Variants in RALGAPA2 observed in about 807,000 individuals in gnomAD.
RALGAPA2 encodes Ral GTPase activating protein catalytic subunit alpha 2.
RALGAPA2 carries 139 observed loss-of-function variants against 230.4 expected under a neutral mutation model. The ratio of observed to expected loss-of-function variants is 0.60; its 90% CI spans 0.53 to 0.69. The LOEUF (loss-of-function observed/expected upper bound fraction) is 0.69, where lower values mean the gene tolerates loss of function less well. RALGAPA2 is among the 30% of genes least tolerant of loss of function. The pLI is 0.00. For missense variants in RALGAPA2, 2,163 were observed against 2,276.0 expected (o/e 0.95, Z 1.01); for synonymous variants, 847 against 837.8 (o/e 1.01, Z -0.19).
chr20:20,531,012 T>G (rs1010677792), intron 27 of RALGAPA2, among the ~76,000 whole-genome samples: 7 of 152,132 alleles, frequency 4.6e-5, no homozygotes, highest in Non-Finnish European at 8.8e-5. Flanking sequence ...ACAGCACCTG[T>G]GAAAGTTCAA....
intron 33 of RALGAPA2, among the ~76,000 whole-genome samples, chr20:20,505,804 G>C (rs575488410): frequency 6.6e-6 from 1 of 152,280 alleles, no homozygotes; most frequent in South Asian, 2.1e-4. Context: ...CAGCAAGCTG[G>C]GGATGGGAAC....
At chr20:20,682,958 C>T (rs1351426102) in intron 1 of RALGAPA2, among the ~76,000 whole-genome samples, 1 of 152,198 alleles carries the variant, frequency 6.6e-6, no homozygotes, top group Non-Finnish European at 1.5e-5. Flanking sequence ...TCACAGACTG[C>T]TGCCAGCTGA....
At chr20:20,646,329 T>C (rs1172209583) in intron 4 of RALGAPA2, among the ~76,000 whole-genome samples, 2 of 152,226 alleles carry the variant, frequency 1.3e-5, no homozygotes, top group African/African-American at 2.4e-5. Flanking sequence ...CAGCCCTCTG[T>C]AGGTATTTTT....
chr20:20,571,838 A>C lies in RALGAPA2; in HGVS notation c.3000+10T>G. ...AATCGCAATAAAGGAATAAACACAT[A>C]TCCACTTGCCTTAAACAGCCATGAT... On this transcript the variant is annotated intron_variant, in intron 22 of 39. Transcript: ENST00000202677. 1 of 1,591,758 alleles carries C rather than the reference A, an allele frequency of 6.3e-7. No individual in the cohort carries two copies. The highest frequency in any genetic ancestry group is 8.6e-7 in the Non-Finnish European group (1 of 1,162,200).
intron 1 of RALGAPA2, among the ~76,000 whole-genome samples, chr20:20,701,560 A>C (rs769770991): frequency 2.6e-5 from 4 of 152,010 alleles, no homozygotes; most frequent in Non-Finnish European, 4.4e-5. Context: ...AACATGGTGA[A>C]ACCCCATCTC....
chr20:20,458,760 ATATATATATAGACC>A (rs1569417966), intron 37 of RALGAPA2, among the ~76,000 whole-genome samples: 56 of 8,158 alleles, frequency 6.9e-3, no homozygotes, highest in African/African-American at 0.015. Flanking sequence ...ATACACACCT[ATATATATATAGACC>A]TATATATATA....
chr20:20,621,702 T>C (rs2066330270), intron 10 of RALGAPA2, among the ~76,000 whole-genome samples: 1 of 152,230 alleles, frequency 6.6e-6, no homozygotes, highest in Admixed American at 6.5e-5. Context: ...AATTTTGATT[T>C]AATGTGAGAA....
intron 23 of RALGAPA2, among the ~76,000 whole-genome samples, chr20:20,554,576 G>T (rs570580025): frequency 6.6e-6 from 1 of 151,430 alleles, no homozygotes; most frequent in African/African-American, 2.4e-5. Flanking sequence ...TTTTTATTTG[G>T]GCTGTCTTTT....
intron 36 of RALGAPA2, among the ~76,000 whole-genome samples, chr20:20,488,480 G>C (rs1305436639): frequency 6.6e-6 from 1 of 152,220 alleles, no homozygotes; most frequent in Non-Finnish European, 1.5e-5. Context: ...TTCTGATAAG[G>C]TGTGCTTCTC....
intron 36 of RALGAPA2, among the ~76,000 whole-genome samples, chr20:20,478,418 G>C (rs1252811492): frequency 6.6e-6 from 1 of 151,486 alleles, no homozygotes; most frequent in Non-Finnish European, 1.5e-5. Context: ...AAAGATAAAA[G>C]TCATCATTTA....
At chr20:20,584,093 C>T (rs2065064179) in intron 19 of RALGAPA2, among the ~76,000 whole-genome samples, 1 of 152,222 alleles carries the variant, frequency 6.6e-6, no homozygotes, top group Admixed American at 6.5e-5. Context: ...TAGAACTCCT[C>T]TGCACCCATC....
intron 28 of RALGAPA2, 98 bp downstream of exon 28, chr20:20,526,154 G>A: frequency 1.0e-6 from 1 of 954,804 alleles, no homozygotes; most frequent in Non-Finnish European, 1.5e-6. Context: ...TTAATAGTTG[G>A]TTCTCTAACA....
intron 26 of RALGAPA2, among the ~76,000 whole-genome samples, chr20:20,532,394 C>CT: frequency 6.6e-6 from 1 of 152,218 alleles, no homozygotes; most frequent in Non-Finnish European, 1.5e-5. Flanking sequence ...GCTTTCTACA[C>CT]TAAAGAAAGA....
chr20:20,433,632 C>A (rs74346428), intron 37 of RALGAPA2, among the ~76,000 whole-genome samples: 1 of 152,066 alleles, frequency 6.6e-6, no homozygotes, highest in Non-Finnish European at 1.5e-5. Flanking sequence ...AGTATAAGTA[C>A]TCCCCAAACA....
At chr20:20,416,369 T>C (rs2060165113) in intron 37 of RALGAPA2, among the ~76,000 whole-genome samples, 1 of 152,134 alleles carries the variant, frequency 6.6e-6, no homozygotes, top group Non-Finnish European at 1.5e-5. Context: ...TGGTCTCCAT[T>C]TTACTGATCA....
intron 4 of RALGAPA2, among the ~76,000 whole-genome samples, chr20:20,644,586 T>C (rs1344344348): frequency 6.6e-6 from 1 of 152,240 alleles, no homozygotes; most frequent in Admixed American, 6.5e-5. Flanking sequence ...ACACTAGGGC[T>C]TGGAGGAAAC....
intron 37 of RALGAPA2, among the ~76,000 whole-genome samples, chr20:20,412,456 T>C (rs759127515): frequency 2.0e-5 from 3 of 152,238 alleles, no homozygotes; most frequent in Non-Finnish European, 2.9e-5. Flanking sequence ...GAGATACTGA[T>C]TGCAATAGCA....
Position 20,676,096 on chromosome 20 carries a change from A to T in RALGAPA2, c.270+140T>A, listed in dbSNP as rs530993367. 64 of 572,288 alleles carry T rather than the reference A, an allele frequency of 1.1e-4. 1 individual carries two copies. The South Asian group carries it at 1.7e-3, about 16-fold the overall frequency. 35.5% of individuals were successfully genotyped at this position (572,288 alleles called of 1,614,324 possible). A position where few individuals can be genotyped will look rare whatever the true frequency, so the allele number is the denominator to read the frequency against. Reference sequence around the variant, plus strand: ...TTGTAGCACAGTTTGTAAAAGTGGGAGGGTGGGAGGAAGGAAGGAAAGAAA... The same window carrying T: ...TTGTAGCACAGTTTGTAAAAGTGGGTGGGTGGGAGGAAGGAAGGAAAGAAA... On this transcript the variant is annotated intron_variant, in intron 3 of 39. Transcript: ENST00000202677.
Position 20,531,455 on chromosome 20 carries a change from G to A in RALGAPA2, c.3582+232C>T, listed in dbSNP as rs182382702. Among the ~76,000 whole-genome samples the A allele has an allele frequency of 5.3e-3, 806 of 152,318 alleles. 6 individuals are homozygous for A. Among genetic ancestry groups the A allele is most frequent in the African/African-American group, 0.019 (769 of 41,562 alleles). On this transcript the variant is annotated intron_variant, in intron 27 of 39. Coordinates refer to ENST00000202677, the MANE Select transcript of RALGAPA2 (RefSeq NM_020343.4). ...GACAGGAGCTTCCCAGCCACCAGAG[G>A]AACCCATTTGGCCACTGGTCCAGGA...
Sources: allele counts gnomAD v4.1 joint callset (sites outside exome capture counted in the v4.1 genomes callset), GRCh38; gene constraint gnomAD v4.1.1; transcripts MANE v1.5; gene names NCBI Gene and HGNC (gene_info 2026-07-23, HGNC 2026-07-21).